The following MORN3 variants were observed in gnomAD, a reference collection of about 807,000 sequenced individuals.
MORN3 encodes the protein MORN repeat containing 3, also known as MORN repeat-containing protein 3.
In MORN3, 38 loss-of-function variants were observed where a neutral mutation model predicts 34.7. That is an observed-to-expected ratio of 1.10 (90% CI 0.85 to 1.44). The LOEUF (loss-of-function observed/expected upper bound fraction) is 1.44, where lower values mean the gene tolerates loss of function less well. Ranked by LOEUF, MORN3 falls within the 40% of genes most tolerant of loss-of-function variation. The pLI, the probability that MORN3 is intolerant of heterozygous loss-of-function variation, is 0.00. For synonymous variants in MORN3, 109 were observed against 115.3 expected (o/e 0.95, Z 0.35); for missense variants, 311 against 321.7 (o/e 0.97, Z 0.25).
intron 4 of MORN3, 119 bp from the exon 5 acceptor site, chr12:121,652,927 C>T (rs1448588913): frequency 7.0e-7 from 1 of 1,430,274 alleles, no homozygotes; most frequent in East Asian, 2.3e-5. Flanking sequence ...ACCTCCCTTG[C>T]TAGGGATGCC....
At chr12:121,656,431 C>G (rs1421091657) in intron 2 of MORN3, among the ~76,000 whole-genome samples, 1 of 152,140 alleles carries the variant, frequency 6.6e-6, no homozygotes, top group Non-Finnish European at 1.5e-5. Context: ...TCAAGCAATC[C>G]TCCTGCCTCA....
chr12:121,661,234 C>T (rs982838730), intron 1 of MORN3, among the ~76,000 whole-genome samples: 1 of 152,118 alleles, frequency 6.6e-6, no homozygotes, highest in Non-Finnish European at 1.5e-5. Flanking sequence ...ATTGGGATTA[C>T]AGGCATGAGG....
In MORN3 at chr12:121,665,903, C is replaced by T. The variant is rs372097137; in HGVS notation, c.145+3436G>A. Among the ~76,000 whole-genome samples the T allele has an allele frequency of 5.9e-5, 9 of 151,874 alleles. No homozygotes were observed. The South Asian group carries it at 8.3e-4, about 14-fold the overall frequency. On this transcript the variant is annotated intron_variant, in intron 1 of 5. Coordinates refer to ENST00000355329, the MANE Select transcript of MORN3 (RefSeq NM_173855.5). ...TCTGCAGTGCAGTGATGCTGGTTGT[C>T]GGAACACTGAAGACCCTAGGACAGT...
chr12:121,663,251 T>G (rs1594231428), intron 1 of MORN3, among the ~76,000 whole-genome samples: 1 of 150,516 alleles, frequency 6.6e-6, no homozygotes, highest in Non-Finnish European at 1.5e-5. Flanking sequence ...CAGGCTGGAG[T>G]GCAACGGTGC....
At chr12:121,668,138 G>A (rs1362840978) in intron 1 of MORN3, among the ~76,000 whole-genome samples, 1 of 151,814 alleles carries the variant, frequency 6.6e-6, no homozygotes, top group Non-Finnish European at 1.5e-5. Flanking sequence ...CCAAAGTGCT[G>A]GGATTACAGA....
upstream of MORN3, chr12:121,672,563 G>C (rs990466487): frequency 6.6e-6 from 1 of 152,276 alleles, no homozygotes; most frequent in Non-Finnish European, 1.5e-5. Flanking sequence ...CCTGCGCCCG[G>C]CTCACCTGCG....
upstream of MORN3, among the ~76,000 whole-genome samples, chr12:121,669,834 T>A (rs4760123): frequency 0.065 from 5,941 of 91,966 alleles, 450 homozygotes; most frequent in African/African-American, 0.24. Flanking sequence ...ATATATATAT[T>A]TTTTTTTTTA....
Position 121,651,305 on chromosome 12 carries a change from C to T in MORN3, c.*346G>A, listed in dbSNP as rs1386865383. 6.6e-6 allele frequency: 1 copy of T among 152,266 alleles called. No individual in the cohort carries two copies. Among genetic ancestry groups the T allele is most frequent in the African/African-American group, 2.4e-5 (1 of 41,422 alleles). The allele number at this position is 152,266 out of a possible 1,614,324, so 9.4% of individuals were successfully genotyped here. A position where few individuals can be genotyped will look rare whatever the true frequency, so the allele number is the denominator to read the frequency against. ...CCAAGCTAAACCCAGGCAGCCCAGC[C>T]AAGGCAGGTCTTCCCTCTTCTAAAC... is the stretch of plus-strand genomic sequence containing the variant. On this transcript the variant is annotated 3_prime_UTR_variant, in exon 6 of 6. Transcript: ENST00000355329.
rs200710726 is a variant in MORN3, at chr12:121,652,748, C to T, written c.709G>A (p.Glu237Lys). ...AEALAMFRKT[E>K]EGD is the part of the protein sequence containing the mutation. Reference sequence around the variant, plus strand: ...CTCACCTGGCATCAATCTCCTTCCTCTGTCTTCCTGAACATGGCCAAGGCC... The same window carrying T: ...CTCACCTGGCATCAATCTCCTTCCTTTGTCTTCCTGAACATGGCCAAGGCC... The change falls in exon 5 of 6, where the codon GAG (glutamate) becomes AAG (lysine). Residue 237 changes from glutamate (E) to lysine (K), a missense_variant. By Grantham distance (56) the Glu-to-Lys change is moderately conservative. Coordinates refer to ENST00000355329, the MANE Select transcript of MORN3 (RefSeq NM_173855.5). The T allele has an allele frequency of 7.4e-6, 12 of 1,614,120 alleles. No individual in the cohort carries two copies. The highest frequency in any genetic ancestry group is 1.0e-5 in the Non-Finnish European group (12 of 1,180,046).
intron 2 of MORN3, among the ~76,000 whole-genome samples, chr12:121,654,722 C>A (rs1409064202): frequency 6.6e-6 from 1 of 151,858 alleles, no homozygotes; most frequent in African/African-American, 2.4e-5. Flanking sequence ...CTCAGCCTCC[C>A]GAGAAGCTGG....
intron 1 of MORN3, among the ~76,000 whole-genome samples, chr12:121,667,025 A>G (rs1893783548): frequency 6.7e-6 from 1 of 149,052 alleles, no homozygotes; most frequent in Non-Finnish European, 1.5e-5. Flanking sequence ...CAATGGCGCA[A>G]TCTCAGCTCA....
At chr12:121,663,648 C>T (rs966401931) in intron 1 of MORN3, among the ~76,000 whole-genome samples, 5 of 152,122 alleles carry the variant, frequency 3.3e-5, no homozygotes, top group Admixed American at 2.0e-4. Context: ...AAAAGAAAAA[C>T]AGTATCTCAT....
At chr12:121,669,832 A>T (rs56275818), upstream of MORN3, among the ~76,000 whole-genome samples, 48,355 of 133,304 alleles carry the variant, frequency 0.36, 10,382 homozygotes, top group Middle Eastern at 0.47. Context: ...ATATATATAT[A>T]TTTTTTTTTT....
At position 121,669,238 on chromosome 12, in the gene MORN3, C is replaced by T. The variant is rs894492267; in HGVS notation, c.145+101G>A. 37 of 1,470,152 alleles carry T rather than the reference C, an allele frequency of 2.5e-5. 1 individual carries two copies. Among genetic ancestry groups the T allele is most frequent in the Non-Finnish European group, 3.4e-5 (36 of 1,070,230 alleles). The allele number at this position is 1,470,152 out of a possible 1,614,324, so 91.1% of individuals were successfully genotyped here. ...TCACCCTGGGGGAGCCTTGGGGACACATCTCATGTCCCCAGTGAGCTCTGC... is the reference window on the plus strand; with the variant it reads ...TCACCCTGGGGGAGCCTTGGGGACATATCTCATGTCCCCAGTGAGCTCTGC... On this transcript the variant is annotated intron_variant, in intron 1 of 5. Transcript: ENST00000355329.
Position 121,660,429 on chromosome 12 carries a change from G to A in MORN3, c.146-1081C>T, listed in dbSNP as rs577359131. Among the ~76,000 whole-genome samples the A allele has an allele frequency of 2.2e-5, 3 of 137,736 alleles. No individual in the cohort carries two copies. In the East Asian group the frequency reaches 6.6e-4, roughly 30 times the overall value. 90.4% of individuals were successfully genotyped at this position (137,736 alleles called of 152,430 possible). A position where few individuals can be genotyped will look rare whatever the true frequency, so the allele number is the denominator to read the frequency against. On this transcript the variant is annotated intron_variant, in intron 1 of 5. Transcript: ENST00000355329. ...TGCAGTGTTGCGATCTCGGCTCACTGCAACCTCCGCCTCCTGGTTCAAGAG... is the reference window on the plus strand; with the variant it reads ...TGCAGTGTTGCGATCTCGGCTCACTACAACCTCCGCCTCCTGGTTCAAGAG...
chr12:121,652,235 C>T (rs1390326266), intron 5 of MORN3, among the ~76,000 whole-genome samples: 1 of 150,538 alleles, frequency 6.6e-6, no homozygotes, highest in East Asian at 2.0e-4. Flanking sequence ...CTGTGCCTGG[C>T]GAGTTTTGTT....
chr12:121,669,328 G>GT lies in MORN3; in HGVS notation c.145+10dup. 1.2e-6 allele frequency: 2 copies of GT among 1,612,830 alleles called. No homozygotes were observed. The highest frequency in any genetic ancestry group is 8.5e-7 in the Non-Finnish European group (1 of 1,179,202). ...CCCCACTCCGGCCGCCCGTCCCGGA[G>GT]TCCCACTCACCGTGTTTCACGTTGT... On this transcript the variant is annotated intron_variant, in intron 1 of 5. Transcript: ENST00000355329.
At chr12:121,662,582 C>T (rs1034291415) in intron 1 of MORN3, among the ~76,000 whole-genome samples, 11 of 151,838 alleles carry the variant, frequency 7.2e-5, no homozygotes, top group Admixed American at 1.3e-4. Context: ...GGTGAAACCC[C>T]GTCTCTACTA....
At position 121,659,296 on chromosome 12, in the gene MORN3, C is replaced by G. The variant is rs1893510212; in HGVS notation, c.198G>C (p.Trp66Cys). ...KKKGAIYEGD[W>C]KFGKRDGYGT... ...CGTAGCCGTCTCGCTTCCCAAACTTCCAGTCCCCCTCATAGATGGCTCCTT... is the reference window on the plus strand; with the variant it reads ...CGTAGCCGTCTCGCTTCCCAAACTTGCAGTCCCCCTCATAGATGGCTCCTT... The change falls in exon 2 of 6, where the codon TGG becomes TGC. Residue 66 changes from tryptophan (W) to cysteine (C), a missense_variant. Physicochemically the swap from Trp to Cys is radical, Grantham distance 215. Transcript: ENST00000355329. The G allele has an allele frequency of 1.9e-6, 3 of 1,614,110 alleles. No homozygotes were observed. The highest frequency in any genetic ancestry group is 2.5e-6 in the Non-Finnish European group (3 of 1,180,018).
Sources: gnomAD v4.1 joint callset for allele counts (sites outside exome capture counted in the v4.1 genomes callset) on GRCh38, gnomAD v4.1.1 for gene constraint, MANE v1.5 for transcripts, NCBI Gene and HGNC (gene_info 2026-07-23, HGNC 2026-07-21) for gene names.